Variants in SLC22A13 observed in about 807,000 individuals in gnomAD.
The protein encoded by SLC22A13 is organic anion transporter 10.
SLC22A13 carries 42 observed loss-of-function variants against 49.1 expected under a neutral mutation model. The observed-to-expected ratio is 0.85, with a 90% confidence interval of 0.67 to 1.11. The LOEUF (loss-of-function observed/expected upper bound fraction) is 1.11. Ranked by LOEUF, SLC22A13 falls within the 50% of genes least tolerant of loss-of-function variation. The pLI, the probability that SLC22A13 is intolerant of heterozygous loss-of-function variation, is 0.00. For synonymous variants in SLC22A13, 282 were observed against 293.1 expected (o/e 0.96, Z 0.39); for missense variants, 694 against 712.8 (o/e 0.97, Z 0.30).
chr3:38,271,501 G>C (rs1396598526), intron 1 of SLC22A13, among the ~76,000 whole-genome samples: 1 of 133,122 alleles, frequency 7.5e-6, no homozygotes, highest in Non-Finnish European at 1.5e-5. Flanking sequence ...GTAGTAAGCC[G>C]TATTCATGCC....
intron 1 of SLC22A13, among the ~76,000 whole-genome samples, chr3:38,269,244 T>G (rs530896725): frequency 2.5e-4 from 38 of 152,232 alleles, no homozygotes; most frequent in African/African-American, 8.7e-4. Context: ...TTGTCATTAT[T>G]GCAGAGAATG....
At chr3:38,268,483 A>G (rs1405138808) in intron 1 of SLC22A13, among the ~76,000 whole-genome samples, 1 of 152,226 alleles carries the variant, frequency 6.6e-6, no homozygotes, top group Non-Finnish European at 1.5e-5. Flanking sequence ...ACCATGTCAC[A>G]CACTCTTAAG....
chr3:38,273,500 G>C (rs1188912162), intron 1 of SLC22A13, among the ~76,000 whole-genome samples: 2 of 152,148 alleles, frequency 1.3e-5, no homozygotes, highest in Non-Finnish European at 2.9e-5. Flanking sequence ...TGTGAATGGT[G>C]GGTACTTCAG....
In SLC22A13 at chr3:38,265,932, G is replaced by T; in HGVS notation, c.72G>T (p.Leu24=). Residue 24 remains leucine, a synonymous_variant, in exon 1 of 10, where the codon CTG becomes CTT. Transcript: ENST00000311856. ...FGRFQIQLLI[L]LCVLNFLSPF... Reference sequence around the variant, plus strand: ...GCTTCCAGATACAGCTATTGATCCTGCTGTGTGTTCTCAACTTCCTGTCTC... The same window carrying T: ...GCTTCCAGATACAGCTATTGATCCTTCTGTGTGTTCTCAACTTCCTGTCTC... The T allele has an allele frequency of 6.2e-7, 1 of 1,614,142 alleles. No homozygotes were observed. Among genetic ancestry groups the T allele is most frequent in the Non-Finnish European group, 8.5e-7 (1 of 1,179,996 alleles).
intron 2 of SLC22A13, 40 bp from the exon 3 acceptor site, chr3:38,274,564 C>A: frequency 6.2e-7 from 1 of 1,600,270 alleles, no homozygotes; most frequent in South Asian, 1.1e-5. Flanking sequence ...AGATGCCTTC[C>A]GGGAGGGACC....
rs548114395 is a variant in SLC22A13 at position 38,266,270 on chromosome 3, G to A, written c.378+32G>A. The stretch of plus-strand genomic sequence containing the variant: ...TTGTCCTTTTGCTGGTCTCTCCACC[G>A]GTTGTGGGTCTGTCAGGTCTTGTGC... On this transcript the variant is annotated intron_variant, in intron 1 of 9. Transcript: ENST00000311856. 15 of 1,599,280 alleles carry A rather than the reference G, an allele frequency of 9.4e-6. No homozygotes were observed. The South Asian group carries it at 1.1e-4, about 12-fold the overall frequency.
intron 8 of SLC22A13, 45 bp downstream of exon 8, chr3:38,276,440 T>C (rs771252724): frequency 7.2e-7 from 1 of 1,381,842 alleles, no homozygotes; most frequent in East Asian, 2.3e-5. Context: ...ACTGAGATGC[T>C]GATTTGGCTG....
At chr3:38,268,074 T>C (rs1185598079) in intron 1 of SLC22A13, among the ~76,000 whole-genome samples, 4 of 152,316 alleles carry the variant, frequency 2.6e-5, no homozygotes, top group African/African-American at 7.2e-5. Flanking sequence ...AGAATTATCA[T>C]GTGAGAAAGC....
chr3:38,277,239 T>A (rs902709859), intron 9 of SLC22A13, 112 bp downstream of exon 9: 2 of 1,111,780 alleles, frequency 1.8e-6, no homozygotes, highest in Non-Finnish European at 2.6e-6. Flanking sequence ...GAGGCTAATA[T>A]GGGGTCCTCC....
chr3:38,276,247 C>A, intron 7 of SLC22A13, 40 bp from the exon 8 acceptor site: 1 of 1,546,320 alleles, frequency 6.5e-7, no homozygotes, highest in Non-Finnish European at 8.9e-7. Flanking sequence ...ATGGGACCGG[C>A]GTCAGGGCCC....
At position 38,274,719 on chromosome 3, in the gene SLC22A13, A is replaced by G; in HGVS notation, c.598A>G (p.Thr200Ala). 1 of 1,614,154 alleles carries G rather than the reference A, an allele frequency of 6.2e-7. No homozygotes were observed. The highest frequency in any genetic ancestry group is 1.1e-5 in the South Asian group (1 of 91,084). Reference protein sequence around the residue: ...LYMALRFAVATAVAGLSFSNV... With the variant: ...LYMALRFAVAAAVAGLSFSNV... ...CATGGCCCTGCGCTTTGCTGTGGCT[A>G]CTGCCGTCGCTGGACTTAGCTTCAG... The change falls in exon 3 of 10, where the codon ACT becomes GCT. Residue 200 changes from threonine to alanine, a missense_variant. Coordinates refer to ENST00000311856, the MANE Select transcript of SLC22A13 (RefSeq NM_004256.4).
intron 3 of SLC22A13, 80 bp from the exon 4 acceptor site, chr3:38,274,909 G>T (rs1370542632): frequency 2.3e-5 from 37 of 1,575,816 alleles, no homozygotes; most frequent in Non-Finnish European, 3.0e-5. Flanking sequence ...CTGAGGCCCA[G>T]CCCCCACAGG....
At position 38,274,334 on chromosome 3, in the gene SLC22A13, G is replaced by A. The variant is rs745366331; in HGVS notation, c.441G>A (p.Gly147=). The change falls in exon 2 of 10, where the codon GGG becomes GGA. Residue 147 remains glycine, a synonymous_variant. Transcript: ENST00000311856. Reference sequence around the variant, plus strand: ...CCACACAGTCAGTGTTCATGGCTGGGCTCCTTGTTGGCACCCTCATGTTTG... The same window carrying A: ...CCACACAGTCAGTGTTCATGGCTGGACTCCTTGTTGGCACCCTCATGTTTG... The part of the protein sequence containing the change: ...KDTTQSVFMA[G]LLVGTLMFGP... The A allele has an allele frequency of 1.2e-6, 2 of 1,614,144 alleles. No individual in the cohort carries two copies. The highest frequency in any genetic ancestry group is 3.3e-5 in the Admixed American group (2 of 60,030).
chr3:38,267,211 CA>C (rs1703471986), intron 1 of SLC22A13, among the ~76,000 whole-genome samples: 1 of 152,164 alleles, frequency 6.6e-6, no homozygotes, highest in Non-Finnish European at 1.5e-5. Flanking sequence ...ATGTGTTAAC[CA>C]AAGCTTAACT....
chr3:38,274,911 C>T, intron 3 of SLC22A13, 78 bp from the exon 4 acceptor site: 1 of 1,577,208 alleles, frequency 6.3e-7, no homozygotes. Context: ...GAGGCCCAGC[C>T]CCCACAGGGT....
intron 1 of SLC22A13, among the ~76,000 whole-genome samples, chr3:38,273,803 A>T (rs1703546532): frequency 6.6e-6 from 1 of 152,252 alleles, no homozygotes; most frequent in African/African-American, 2.4e-5. Context: ...AAAATATTTT[A>T]ATGTTATTCT....
At chr3:38,267,512 TG>T (rs1703476158) in intron 1 of SLC22A13, among the ~76,000 whole-genome samples, 1 of 152,208 alleles carries the variant, frequency 6.6e-6, no homozygotes, top group Non-Finnish European at 1.5e-5. Flanking sequence ...TCTGCCCACC[TG>T]GCCAAATATC....
chr3:38,270,270 C>T lies in SLC22A13; in HGVS notation c.379-4002C>T, dbSNP rs143471222. On this transcript the variant is annotated intron_variant, in intron 1 of 9. Transcript: ENST00000311856. Reference sequence around the variant, plus strand: ...GCTGGGTCGAATGGTGTTTCTAGTTCGGTTAACTGCATTCTTTAGGCCCTT... The same window carrying T: ...GCTGGGTCGAATGGTGTTTCTAGTTTGGTTAACTGCATTCTTTAGGCCCTT... 49 of 170,590 alleles carry T rather than the reference C, an allele frequency of 2.9e-4. 2 individuals are homozygous for T. In the East Asian group the frequency reaches 6.8e-3, roughly 24 times the overall value. The allele number at this position is 170,590 out of a possible 1,614,324, so 10.6% of individuals were successfully genotyped here. A position where few individuals can be genotyped will look rare whatever the true frequency, so the allele number is the denominator to read the frequency against.
At chr3:38,277,340 G>C in intron 9 of SLC22A13, 32 bp from the exon 10 acceptor site, 1 of 1,534,684 alleles carries the variant, frequency 6.5e-7, no homozygotes, top group African/African-American at 1.4e-5. Context: ...CCAATTCCTG[G>C]GCAGCCAATG....
Sources: allele counts gnomAD v4.1 joint callset (sites outside exome capture counted in the v4.1 genomes callset), GRCh38; gene constraint gnomAD v4.1.1; transcripts MANE v1.5; gene names NCBI Gene and HGNC (gene_info 2026-07-23, HGNC 2026-07-21).